PLCH1: variants seen among roughly 807,000 people sequenced by gnomAD.
PLCH1 encodes the protein phospholipase C eta 1, also known as 1-phosphatidylinositol 4,5-bisphosphate phosphodiesterase eta-1.
A neutral mutation model predicts 126.7 loss-of-function variants in PLCH1; 60 were observed. The observed-to-expected ratio is 0.47, with a 90% confidence interval of 0.38 to 0.59. PLCH1 has a LOEUF of 0.59. Among genes scored for constraint, PLCH1 ranks in the 20% least tolerant of loss-of-function variants. The probability of loss-of-function intolerance (pLI) is 0.00; values close to 1 mark genes in which losing one functional copy is unlikely to be tolerated. For missense variants in PLCH1, 1,723 were observed against 2,040.0 expected (o/e 0.84, Z 2.99); for synonymous variants, 719 against 734.9 (o/e 0.98, Z 0.35).
chr3:155,478,434 A>T (rs1713641799), downstream of PLCH1, among the ~76,000 whole-genome samples: 1 of 152,200 alleles, frequency 6.6e-6, no homozygotes, highest in South Asian at 2.1e-4. Context: ...GTCAAAGGAT[A>T]AATGCTTGAG....
chr3:155,486,183 G>A (rs1455407999), intron 21 of PLCH1: 3 of 1,546,564 alleles, frequency 1.9e-6, no homozygotes, highest in South Asian at 1.2e-5. Flanking sequence ...TAGTATAACT[G>A]GGGTTGAGTA....
At chr3:155,734,710 C>CTG (rs1553766236) in intron 1 of PLCH1, among the ~76,000 whole-genome samples, 1 of 135,528 alleles carries the variant, frequency 7.4e-6, no homozygotes, top group African/African-American at 2.7e-5. Flanking sequence ...TTTTCTTTTT[C>CTG]TTTTTTTTTT....
chr3:155,599,910 G>T (rs1422447647), intron 2 of PLCH1, among the ~76,000 whole-genome samples: 1 of 152,046 alleles, frequency 6.6e-6, no homozygotes, highest in Non-Finnish European at 1.5e-5. Context: ...TAACAGGAAC[G>T]GTATATCTGC....
chr3:155,529,869 C>T lies in PLCH1; in HGVS notation c.1363-5865G>A, dbSNP rs562539982. 1.5e-4 allele frequency among the ~76,000 whole-genome samples: 23 copies of T among 152,150 alleles called. No individual in the cohort carries two copies. The East Asian group carries it at 3.7e-3, about 24-fold the overall frequency. Reference sequence around the variant, plus strand: ...GCAACCTCCGCCCCCCGGGTTCAAGCGATTCTCCTGCCTCAGCCTCCCAAG... The same window carrying T: ...GCAACCTCCGCCCCCCGGGTTCAAGTGATTCTCCTGCCTCAGCCTCCCAAG... On this transcript the variant is annotated intron_variant, in intron 10 of 22. Transcript: ENST00000460012.
At chr3:155,556,122 T>C (rs1278500991) in intron 8 of PLCH1, among the ~76,000 whole-genome samples, 1 of 152,218 alleles carries the variant, frequency 6.6e-6, no homozygotes, top group African/African-American at 2.4e-5. Flanking sequence ...CATAATGGAA[T>C]GCTGATTGAA....
intron 1 of PLCH1, chr3:155,743,504 C>T (rs1333876652): frequency 2.3e-6 from 1 of 441,582 alleles, no homozygotes; most frequent in Non-Finnish European, 4.5e-6. Flanking sequence ...TGCACTCCAG[C>T]CTGGGCGACA....
intron 6 of PLCH1, among the ~76,000 whole-genome samples, chr3:155,577,075 T>C (rs922517485): frequency 3.0e-4 from 45 of 152,156 alleles, no homozygotes; most frequent in African/African-American, 7.7e-4. Context: ...CTAGATAGCA[T>C]GGTGAGACCC....
At chr3:155,627,438 G>A (rs1266085708) in intron 2 of PLCH1, among the ~76,000 whole-genome samples, 1 of 151,356 alleles carries the variant, frequency 6.6e-6, no homozygotes, top group Non-Finnish European at 1.5e-5. Context: ...AGACCATCCT[G>A]GCTAACATGG....
chr3:155,590,619 G>A (rs1200195300), intron 4 of PLCH1, among the ~76,000 whole-genome samples: 2 of 150,258 alleles, frequency 1.3e-5, no homozygotes, highest in Non-Finnish European at 2.9e-5. Context: ...GCGTGGTGGC[G>A]GGCACCTGTA....
chr3:155,647,213 G>A (rs1740160434), intron 2 of PLCH1, among the ~76,000 whole-genome samples: 1 of 151,958 alleles, frequency 6.6e-6, no homozygotes, highest in Non-Finnish European at 1.5e-5. Context: ...CATAGCTAAT[G>A]AAAAATGCAT....
At chr3:155,736,596 G>A (rs1749192763) in intron 1 of PLCH1, among the ~76,000 whole-genome samples, 1 of 152,190 alleles carries the variant, frequency 6.6e-6, no homozygotes, top group South Asian at 2.1e-4. Context: ...CCCTGAGCCA[G>A]GTTGCAGCCA....
At chr3:155,699,725 C>CA (rs888882153) in intron 2 of PLCH1, among the ~76,000 whole-genome samples, 1 of 151,996 alleles carries the variant, frequency 6.6e-6, no homozygotes, top group African/African-American at 2.4e-5. Flanking sequence ...GAGAGCTTTT[C>CA]ACTCTTCATT....
chr3:155,549,414 G>A (rs1725811041), intron 10 of PLCH1, among the ~76,000 whole-genome samples: 1 of 152,068 alleles, frequency 6.6e-6, no homozygotes, highest in South Asian at 2.1e-4. Context: ...CTTGAAATGG[G>A]AGAAAAAGTC....
At chr3:155,462,245 A>T (rs982128115) in intron 21 of PLCH1, among the ~76,000 whole-genome samples, 2 of 152,200 alleles carry the variant, frequency 1.3e-5, no homozygotes, top group Non-Finnish European at 2.9e-5. Flanking sequence ...TGCAGCACTC[A>T]CTGAGGCACC....
intron 11 of PLCH1, among the ~76,000 whole-genome samples, chr3:155,517,539 C>T (rs902980641): frequency 1.3e-5 from 2 of 152,152 alleles, no homozygotes; most frequent in African/African-American, 4.8e-5. Context: ...GGCAGCATCA[C>T]TCCAATTTCT....
At chr3:155,552,318 G>A (rs1194781216) in intron 9 of PLCH1, among the ~76,000 whole-genome samples, 3 of 152,190 alleles carry the variant, frequency 2.0e-5, no homozygotes, top group Non-Finnish European at 2.9e-5. Context: ...TTTTCAGTGA[G>A]TTCACAGTCT....
intron 2 of PLCH1, among the ~76,000 whole-genome samples, chr3:155,628,549 CTT>C (rs56820929): frequency 1.4e-5 from 2 of 143,354 alleles, no homozygotes; most frequent in Admixed American, 7.0e-5. Context: ...CTTCACCTCT[CTT>C]TTTTTTTTTT....
At chr3:155,488,542 T>G (rs1243120171) in intron 20 of PLCH1, 118 bp downstream of exon 20, 3 of 940,480 alleles carry the variant, frequency 3.2e-6, no homozygotes, top group Non-Finnish European at 4.7e-6. Flanking sequence ...AAAGTCACAT[T>G]TATTACATGA....
At chr3:155,647,405 T>A (rs1740184578) in intron 2 of PLCH1, among the ~76,000 whole-genome samples, 1 of 151,674 alleles carries the variant, frequency 6.6e-6, no homozygotes, top group Non-Finnish European at 1.5e-5. Flanking sequence ...GACAGCACTA[T>A]CAAGCAGAAG....
Sources: gnomAD v4.1 joint callset for allele counts (sites outside exome capture counted in the v4.1 genomes callset) on GRCh38, gnomAD v4.1.1 for gene constraint, MANE v1.5 for transcripts, NCBI Gene and HGNC (gene_info 2026-07-23, HGNC 2026-07-21) for gene names.